SHLD1: variants seen among roughly 807,000 people sequenced by gnomAD.
SHLD1 encodes RINN1-REV7-interacting novel NHEJ regulator 3.
A neutral mutation model predicts 5.5 loss-of-function variants in SHLD1; 3 were observed. The observed-to-expected ratio is 0.54, with a 90% CI of 0.25 to 1.40. SHLD1 has a LOEUF of 1.40. SHLD1 is among the 40% of genes most tolerant of loss of function. The pLI is 0.15. For missense variants in SHLD1, 210 were observed against 244.4 expected (o/e 0.86, Z 0.94); for synonymous variants, 92 against 94.3 (o/e 0.98, Z 0.14).
intron 2 of SHLD1, among the ~76,000 whole-genome samples, chr20:5,828,081 A>G (rs1430274176): frequency 6.6e-6 from 1 of 152,242 alleles, no homozygotes; most frequent in East Asian, 1.9e-4. Context: ...CATATTCAAC[A>G]CTGATTAACT....
intron 2 of SHLD1, among the ~76,000 whole-genome samples, chr20:5,780,130 C>T (rs1254359453): frequency 5.3e-5 from 8 of 151,794 alleles, no homozygotes; most frequent in Non-Finnish European, 1.2e-4. Flanking sequence ...AGGGGTGCAC[C>T]ACCACACCCA....
chr20:5,787,564 G>T (rs1349476589), intron 2 of SHLD1, among the ~76,000 whole-genome samples: 1 of 152,194 alleles, frequency 6.6e-6, no homozygotes, highest in Admixed American at 6.5e-5. Flanking sequence ...GACTGACCAG[G>T]TTCATGTTTT....
chr20:5,844,787 A>T (rs369153646), intron 2 of SHLD1, among the ~76,000 whole-genome samples: 1,723 of 102,146 alleles, frequency 0.017, 42 homozygotes, highest in East Asian at 0.1. Context: ...ATATATATAT[A>T]TATATATATA....
intron 1 of SHLD1, among the ~76,000 whole-genome samples, chr20:5,764,135 A>G (rs1432477814): frequency 1.0e-5 from 1 of 96,268 alleles, no homozygotes; most frequent in South Asian, 2.9e-4. Flanking sequence ...TCAAAAAAAA[A>G]AAAAATATAT....
At chr20:5,821,809 C>T (rs377263916) in intron 2 of SHLD1, among the ~76,000 whole-genome samples, 2 of 152,200 alleles carry the variant, frequency 1.3e-5, no homozygotes, top group African/African-American at 4.8e-5. Flanking sequence ...ATGGGCCTCT[C>T]CCAGGGCTGC....
chr20:5,797,644 G>A (rs1187011443), intron 2 of SHLD1, among the ~76,000 whole-genome samples: 3 of 152,210 alleles, frequency 2.0e-5, no homozygotes, highest in Non-Finnish European at 2.9e-5. Context: ...ACTAGACACA[G>A]TATTATAGTA....
intron 2 of SHLD1, among the ~76,000 whole-genome samples, chr20:5,789,299 A>G (rs2122298301): frequency 6.6e-6 from 1 of 151,372 alleles, no homozygotes; most frequent in Admixed American, 6.6e-5. Context: ...GTAATTGGCC[A>G]GGTGCAGTGG....
At chr20:5,764,217 GTGTA>G (rs761689163) in intron 1 of SHLD1, among the ~76,000 whole-genome samples, 1,648 of 115,162 alleles carry the variant, frequency 0.014, 37 homozygotes, top group African/African-American at 0.047. Context: ...ATTTGTGTGT[GTGTA>G]TATATATATA....
At chr20:5,807,901 AGGT>A (rs2087402552) in intron 2 of SHLD1, among the ~76,000 whole-genome samples, 1 of 152,178 alleles carries the variant, frequency 6.6e-6, no homozygotes, top group Admixed American at 6.5e-5. Flanking sequence ...ACTTGTGATA[AGGT>A]TAGCCTATTT....
chr20:5,853,842 C>CTTTT (rs753008247), intron 2 of SHLD1, among the ~76,000 whole-genome samples: 1 of 141,956 alleles, frequency 7.0e-6, no homozygotes, highest in Non-Finnish European at 1.6e-5. Context: ...TCCACGTCTA[C>CTTTT]TTTTTTTTTT....
Position 5,772,231 on chromosome 20 carries a change from G to T in SHLD1, c.-4-631G>T, listed in dbSNP as rs1297637534. 8.9e-6 allele frequency: 4 copies of T among 448,188 alleles called. No individual in the cohort carries two copies. In the Admixed American group the frequency reaches 9.6e-5, roughly 11 times the overall value. The allele number at this position is 448,188 out of a possible 1,614,324, so 27.8% of individuals were successfully genotyped here. ...TTTGTGGCCTATCTTTGGCATATCT[G>T]ACTTGCTGGCATCACTACTCTTGTG... On this transcript the variant is annotated intron_variant, in intron 1 of 2. Transcript: ENST00000303142.
intron 1 of SHLD1, among the ~76,000 whole-genome samples, 200 bp downstream of exon 1, chr20:5,750,679 TAGTG>T (rs1252289289): frequency 2.6e-5 from 4 of 152,064 alleles, no homozygotes; most frequent in Admixed American, 6.6e-5. Context: ...AATTTGTGGA[TAGTG>T]AGTATGGATA....
intron 2 of SHLD1, among the ~76,000 whole-genome samples, chr20:5,816,815 A>G (rs1406694354): frequency 1.3e-5 from 2 of 152,200 alleles, no homozygotes; most frequent in East Asian, 3.8e-4. Context: ...CACACCTGTA[A>G]TCTCAGCACT....
At chr20:5,857,492 C>A (rs1205109171) in intron 2 of SHLD1, among the ~76,000 whole-genome samples, 1 of 152,104 alleles carries the variant, frequency 6.6e-6, no homozygotes, top group Non-Finnish European at 1.5e-5. Flanking sequence ...TTCCTTAAAT[C>A]CTGATACTTT....
At chr20:5,777,557 C>T (rs76600912) in intron 2 of SHLD1, among the ~76,000 whole-genome samples, 422 of 151,704 alleles carry the variant, frequency 2.8e-3, no homozygotes, top group African/African-American at 9.9e-3. Context: ...GTAGTTAAGA[C>T]TATAGGCGTG....
At chr20:5,830,891 T>C (rs1293305070) in intron 2 of SHLD1, among the ~76,000 whole-genome samples, 1 of 152,172 alleles carries the variant, frequency 6.6e-6, no homozygotes, top group Non-Finnish European at 1.5e-5. Flanking sequence ...TTATATACCA[T>C]GATTTGTAAC....
In SHLD1 at chr20:5,799,066, G is replaced by A. The variant is rs372063343; in HGVS notation, c.178+26023G>A. 2.6e-5 allele frequency among the ~76,000 whole-genome samples: 4 copies of A among 152,240 alleles called. No homozygotes were observed. In the South Asian group the frequency reaches 6.2e-4, roughly 24 times the overall value. ...ACAAATACAAAAATTAGCCAGGCAT[G>A]GTGGCGTTCACTTGTAGTCCTAGCT... On this transcript the variant is annotated intron_variant, in intron 2 of 2. Coordinates refer to ENST00000303142, the MANE Select transcript of SHLD1 (RefSeq NM_152504.4).
chr20:5,862,914 C>A, intron 2 of SHLD1, 110 bp from the exon 3 acceptor site: 1 of 958,982 alleles, frequency 1.0e-6, no homozygotes. Flanking sequence ...TTGCCAGTTA[C>A]TCAGGAACAG....
At chr20:5,798,309 CT>C (rs35636384) in intron 2 of SHLD1, among the ~76,000 whole-genome samples, 122,581 of 146,910 alleles carry the variant, frequency 0.83, 51,308 homozygotes, top group East Asian at 1. Flanking sequence ...TCTCAGTTCT[CT>C]TTTTTTTTTT....
Sources: gnomAD v4.1 joint callset for allele counts (sites outside exome capture counted in the v4.1 genomes callset) on GRCh38, gnomAD v4.1.1 for gene constraint, MANE v1.5 for transcripts, NCBI Gene and HGNC (gene_info 2026-07-23, HGNC 2026-07-21) for gene names.